Variants in TOX observed in about 807,000 individuals in gnomAD.
TOX encodes the protein thymocyte selection-associated high mobility group box protein TOX.
Under a neutral mutation model 53.7 loss-of-function variants are expected in TOX, and 11 were observed. The observed-to-expected ratio is 0.20, with a 90% CI of 0.13 to 0.34. TOX has a LOEUF of 0.34. TOX is among the 10% of genes least tolerant of loss of function. TOX has a pLI of 1.00. For synonymous variants in TOX, 225 were observed against 245.3 expected (o/e 0.92, Z 0.77); for missense variants, 570 against 664.6 (o/e 0.86, Z 1.56).
At chr8:58,903,310 T>C (rs1811760019) in intron 3 of TOX, among the ~76,000 whole-genome samples, 1 of 152,166 alleles carries the variant, frequency 6.6e-6, no homozygotes, top group African/African-American at 2.4e-5. Context: ...GTTGTTAAAA[T>C]TGAGGGCCTT....
intron 1 of TOX, among the ~76,000 whole-genome samples, chr8:59,115,665 C>G (rs768324551): frequency 6.6e-6 from 1 of 152,144 alleles, no homozygotes. Flanking sequence ...ACTGTTAACT[C>G]CAGCCTCCAT....
chr8:58,863,547 C>T (rs573949509), intron 3 of TOX, among the ~76,000 whole-genome samples: 22 of 152,210 alleles, frequency 1.4e-4, no homozygotes, highest in African/African-American at 5.1e-4. Context: ...TGTCACAGGG[C>T]GCCTGATCTC....
intron 3 of TOX, among the ~76,000 whole-genome samples, chr8:58,934,709 T>C (rs1189768954): frequency 1.3e-5 from 2 of 152,208 alleles, no homozygotes; most frequent in African/African-American, 4.8e-5. Flanking sequence ...AAAGTATAAA[T>C]AACTCTTTTG....
At chr8:58,945,263 C>G (rs571085750) in intron 2 of TOX, among the ~76,000 whole-genome samples, 1 of 152,354 alleles carries the variant, frequency 6.6e-6, no homozygotes, top group Admixed American at 6.5e-5. Context: ...AACATACTGG[C>G]TGTGTCCTTA....
chr8:58,909,017 G>A (rs886991238), intron 3 of TOX, among the ~76,000 whole-genome samples: 2 of 152,204 alleles, frequency 1.3e-5, no homozygotes, highest in Non-Finnish European at 2.9e-5. Context: ...GAACTAGTGG[G>A]TTTGGGGATT....
At chr8:58,885,835 T>A (rs1283509999) in intron 3 of TOX, among the ~76,000 whole-genome samples, 5 of 151,980 alleles carry the variant, frequency 3.3e-5, no homozygotes, top group South Asian at 2.1e-4. Flanking sequence ...CATAATAATC[T>A]GGCTATTATT....
intron 1 of TOX, among the ~76,000 whole-genome samples, chr8:59,012,698 C>T (rs1813929517): frequency 6.6e-6 from 1 of 152,086 alleles, no homozygotes; most frequent in Non-Finnish European, 1.5e-5. Flanking sequence ...TAAAATAGCA[C>T]ATTTTTTAGA....
chr8:58,998,571 G>T (rs429806), intron 1 of TOX, among the ~76,000 whole-genome samples: 28,402 of 40,706 alleles, frequency 0.7, 10,547 homozygotes, highest in East Asian at 0.89. Flanking sequence ...TGTAATAAAT[G>T]TATATATAAT....
chr8:59,024,918 G>A (rs1814206834), intron 1 of TOX, among the ~76,000 whole-genome samples: 2 of 152,194 alleles, frequency 1.3e-5, no homozygotes, highest in South Asian at 4.1e-4. Context: ...TAATTAATAG[G>A]ATTATTAAAG....
At chr8:58,861,332 T>A (rs1327011250) in intron 3 of TOX, among the ~76,000 whole-genome samples, 1 of 152,162 alleles carries the variant, frequency 6.6e-6, no homozygotes, top group East Asian at 1.9e-4. Flanking sequence ...TCCTACAAAT[T>A]ACATCTCTGG....
intron 3 of TOX, among the ~76,000 whole-genome samples, chr8:58,867,237 G>A (rs1015644150): frequency 5.9e-5 from 9 of 152,076 alleles, no homozygotes; most frequent in African/African-American, 2.2e-4. Context: ...TCATAGGCCA[G>A]GGGTATTTTA....
chr8:58,925,509 A>C (rs1812143067), intron 3 of TOX, among the ~76,000 whole-genome samples: 2 of 152,224 alleles, frequency 1.3e-5, no homozygotes, highest in Non-Finnish European at 2.9e-5. Context: ...CAATTGCCTT[A>C]CGTGGACTAT....
intron 3 of TOX, among the ~76,000 whole-genome samples, chr8:58,878,677 C>G (rs1256132370): frequency 6.6e-6 from 1 of 152,112 alleles, no homozygotes; most frequent in Non-Finnish European, 1.5e-5. Context: ...TAGTTTCTAG[C>G]TCTCTTATGG....
intron 1 of TOX, among the ~76,000 whole-genome samples, chr8:59,054,650 G>A (rs892416304): frequency 9.9e-5 from 15 of 152,030 alleles, no homozygotes; most frequent in African/African-American, 3.1e-4. Flanking sequence ...AGGCCGACTC[G>A]TTACAACTTT....
At chr8:59,016,830 T>C (rs984827446) in intron 1 of TOX, among the ~76,000 whole-genome samples, 17 of 152,250 alleles carry the variant, frequency 1.1e-4, no homozygotes, top group African/African-American at 4.1e-4. Flanking sequence ...TTCCATTCCA[T>C]TTGCTTTACC....
At chr8:58,993,587 G>T (rs1313393414) in intron 1 of TOX, among the ~76,000 whole-genome samples, 1 of 152,098 alleles carries the variant, frequency 6.6e-6, no homozygotes, top group African/African-American at 2.4e-5. Context: ...TCTTCTAAGA[G>T]AAAATGAAAA....
At chr8:58,947,629 T>C (rs1812545649) in intron 2 of TOX, among the ~76,000 whole-genome samples, 1 of 152,188 alleles carries the variant, frequency 6.6e-6, no homozygotes, top group East Asian at 1.9e-4. Context: ...CAGTTTGTTA[T>C]AAAGATAGTG....
intron 3 of TOX, among the ~76,000 whole-genome samples, chr8:58,907,525 G>A (rs1324515977): frequency 6.6e-6 from 1 of 152,078 alleles, no homozygotes; most frequent in Non-Finnish European, 1.5e-5. Context: ...AACCCAAGAG[G>A]CGGAGGTTGC....
intron 1 of TOX, among the ~76,000 whole-genome samples, chr8:59,010,339 T>C (rs552653380): frequency 6.6e-5 from 10 of 152,348 alleles, no homozygotes; most frequent in South Asian, 4.1e-4. Flanking sequence ...ATTATTACTA[T>C]ATTTTTAGAA....
Sources: allele counts gnomAD v4.1 joint callset (sites outside exome capture counted in the v4.1 genomes callset), GRCh38; gene constraint gnomAD v4.1.1; transcripts MANE v1.5; gene names NCBI Gene and HGNC (gene_info 2026-07-23, HGNC 2026-07-21).